TENM2: variants seen among roughly 807,000 people sequenced by gnomAD.
TENM2 encodes the protein teneurin-2.
TENM2 carries 52 observed loss-of-function variants against 245.2 expected under a neutral mutation model. That is an observed-to-expected ratio of 0.21 (90% confidence interval 0.17 to 0.27). The LOEUF (loss-of-function observed/expected upper bound fraction) is 0.27. Ranked by LOEUF, TENM2 falls within the 10% of genes least tolerant of loss-of-function variation. The probability of loss-of-function intolerance (pLI) is 1.00; values close to 1 mark genes in which losing one functional copy is unlikely to be tolerated. For synonymous variants in TENM2, 1,363 were observed against 1,438.9 expected (o/e 0.95, Z 1.19); for missense variants, 3,046 against 3,666.8 (o/e 0.83, Z 4.37).
In TENM2 at chr5:167,633,763, A is replaced by G. The variant is rs547796421; in HGVS notation, c.503-242223A>G. On this transcript the variant is annotated intron_variant, in intron 2 of 28. Transcript: ENST00000518659. ...TGTGACCCAGGCACTATACCCTCCT[A>G]TATAGGTGCAATTCTACAAAAGAAA... Among the ~76,000 whole-genome samples, 8 of 152,192 alleles carry G rather than the reference A, an allele frequency of 5.3e-5. No individual in the cohort carries two copies. The East Asian group carries it at 1.5e-3, about 29-fold the overall frequency.
chr5:168,201,295 T>C (rs901143434), intron 17 of TENM2, among the ~76,000 whole-genome samples: 10 of 151,998 alleles, frequency 6.6e-5, no homozygotes, highest in Admixed American at 6.6e-4. Context: ...TGTGTGTATA[T>C]ATATATACAC....
chr5:167,427,226 G>T (rs928051784), intron 2 of TENM2, among the ~76,000 whole-genome samples: 2 of 152,136 alleles, frequency 1.3e-5, no homozygotes, highest in African/African-American at 4.8e-5. Flanking sequence ...GGCCAAGGTC[G>T]TGGATCACCT....
intron 2 of TENM2, among the ~76,000 whole-genome samples, chr5:167,576,843 C>G (rs1464572944): frequency 6.6e-6 from 1 of 152,048 alleles, no homozygotes; most frequent in Non-Finnish European, 1.5e-5. Flanking sequence ...TAGATCTACC[C>G]GTAAAAAACA....
At chr5:167,380,647 C>T (rs764895155) in intron 2 of TENM2, among the ~76,000 whole-genome samples, 89 of 152,102 alleles carry the variant, frequency 5.9e-4, no homozygotes, top group Non-Finnish European at 1.1e-3. Flanking sequence ...AAGAACTAAG[C>T]CTTCCTTTTG....
At chr5:167,109,863 G>C in the TENM2 span, among the ~76,000 whole-genome samples, 3 of 152,198 alleles carry the variant, frequency 2.0e-5, no homozygotes, top group Admixed American at 2.0e-4. Context: ...TAGGGCCTTG[G>C]AGTAATGGAA....
chr5:167,638,773 A>G (rs1029054917), intron 2 of TENM2, among the ~76,000 whole-genome samples: 1 of 152,230 alleles, frequency 6.6e-6, no homozygotes, highest in Non-Finnish European at 1.5e-5. Context: ...AGCAGTTTCA[A>G]TCAGGAGGCT....
intron 9 of TENM2, among the ~76,000 whole-genome samples, chr5:168,103,605 G>A (rs1002703833): frequency 2.6e-5 from 4 of 152,108 alleles, no homozygotes; most frequent in African/African-American, 9.7e-5. Context: ...TTGACGTTAT[G>A]CATTTTTAGC....
At chr5:167,339,851 C>T (rs1187633156) in intron 1 of TENM2, among the ~76,000 whole-genome samples, 4 of 152,132 alleles carry the variant, frequency 2.6e-5, no homozygotes, top group African/African-American at 4.8e-5. Context: ...GCAACACTTC[C>T]CTCTGGAATA....
At chr5:167,508,832 A>C (rs1363764576) in intron 2 of TENM2, among the ~76,000 whole-genome samples, 1 of 152,062 alleles carries the variant, frequency 6.6e-6, no homozygotes, top group Non-Finnish European at 1.5e-5. Context: ...TTTAATATAC[A>C]TTTTTTGAGA....
chr5:167,026,872 G>A, the TENM2 span, among the ~76,000 whole-genome samples: 1 of 152,118 alleles, frequency 6.6e-6, no homozygotes, highest in South Asian at 2.1e-4. Flanking sequence ...TTGGAAAATG[G>A]TAGCAACATA....
At chr5:168,094,816 A>G (rs189977936) in intron 8 of TENM2, among the ~76,000 whole-genome samples, 28 of 152,220 alleles carry the variant, frequency 1.8e-4, no homozygotes, top group Non-Finnish European at 3.5e-4. Flanking sequence ...TAGGTGAGCA[A>G]GTGAAGCTTT....
intron 27 of TENM2, 25 bp from the exon 30 acceptor site, chr5:168,260,258 C>T (rs1208343497): frequency 6.2e-7 from 1 of 1,613,072 alleles, no homozygotes. Flanking sequence ...ATTTCAGAAA[C>T]CTTTATTTTT....
At chr5:167,894,999 A>AGGG (rs1775096791) in intron 3 of TENM2, among the ~76,000 whole-genome samples, 2 of 122,608 alleles carry the variant, frequency 1.6e-5, no homozygotes, top group East Asian at 2.8e-4. Flanking sequence ...GGAGGGAAGG[A>AGGG]AGGAAGGAAG....
chr5:167,841,110 A>G (rs1365129941), intron 2 of TENM2, among the ~76,000 whole-genome samples: 1 of 150,744 alleles, frequency 6.6e-6, no homozygotes, highest in African/African-American at 2.4e-5. Context: ...CGGATGGAGT[A>G]CAGTGGCATG....
At chr5:167,617,714 T>C (rs1447144325) in intron 2 of TENM2, among the ~76,000 whole-genome samples, 2 of 152,172 alleles carry the variant, frequency 1.3e-5, no homozygotes, top group Non-Finnish European at 2.9e-5. Flanking sequence ...CCTAATGCTA[T>C]GCTTTAAACA....
the TENM2 span, among the ~76,000 whole-genome samples, chr5:167,058,401 T>C: frequency 1.3e-5 from 2 of 152,216 alleles, no homozygotes; most frequent in Non-Finnish European, 2.9e-5. Flanking sequence ...ATAATTAAAA[T>C]ATGTTAATTA....
intron 3 of TENM2, among the ~76,000 whole-genome samples, chr5:167,943,240 C>A (rs545301774): frequency 2.6e-4 from 39 of 152,328 alleles, no homozygotes; most frequent in Non-Finnish European, 2.2e-4. Context: ...TGCCATTTAA[C>A]TGGTATGCTT....
chr5:167,471,644 A>G (rs966486824), intron 2 of TENM2, among the ~76,000 whole-genome samples: 1 of 152,216 alleles, frequency 6.6e-6, no homozygotes, highest in African/African-American at 2.4e-5. Flanking sequence ...ATTACCATAC[A>G]CATTCAACAG....
chr5:167,491,167 G>T (rs1768408420), intron 2 of TENM2, among the ~76,000 whole-genome samples: 1 of 152,074 alleles, frequency 6.6e-6, no homozygotes, highest in Non-Finnish European at 1.5e-5. Context: ...CATTACTGGA[G>T]TAAGTTAGGC....
Sources: allele counts gnomAD v4.1 joint callset (sites outside exome capture counted in the v4.1 genomes callset), GRCh38; gene constraint gnomAD v4.1.1; transcripts MANE v1.5; gene names NCBI Gene and HGNC (gene_info 2026-07-23, HGNC 2026-07-21).